CNTNAP2: variants seen among roughly 807,000 people sequenced by gnomAD.
CNTNAP2 encodes the protein contactin-associated protein-like 2.
In CNTNAP2, 98 loss-of-function variants were observed where a neutral mutation model predicts 155.2. That is an observed-to-expected ratio of 0.63 (90% CI 0.54 to 0.75). The LOEUF (loss-of-function observed/expected upper bound fraction) is 0.75. CNTNAP2 is among the 30% of genes least tolerant of loss of function. The pLI, the probability that CNTNAP2 is intolerant of heterozygous loss-of-function variation, is 0.00. For synonymous variants in CNTNAP2, 651 were observed against 631.2 expected (o/e 1.03, Z -0.47); for missense variants, 1,727 against 1,688.1 (o/e 1.02, Z -0.40).
chr7:147,996,325 C>T lies in CNTNAP2; in HGVS notation c.2383+18336C>T, dbSNP rs572439876. Among the ~76,000 whole-genome samples, 8 of 152,280 alleles carry T rather than the reference C, an allele frequency of 5.3e-5. No individual in the cohort carries two copies. In the South Asian group the frequency reaches 1.7e-3, roughly 32 times the overall value. Reference sequence around the variant, plus strand: ...GGGGTTCTTATCAACATGCAGATTCCCACACAGCTCCCCTAGAGATTTTGA... The same window carrying T: ...GGGGTTCTTATCAACATGCAGATTCTCACACAGCTCCCCTAGAGATTTTGA... On this transcript the variant is annotated intron_variant, in intron 15 of 23. Coordinates refer to ENST00000361727, the MANE Select transcript of CNTNAP2 (RefSeq NM_014141.6).
intron 1 of CNTNAP2, among the ~76,000 whole-genome samples, chr7:146,633,637 T>C (rs755343629): frequency 6.6e-6 from 1 of 151,604 alleles, no homozygotes; most frequent in Admixed American, 6.6e-5. Flanking sequence ...AAAAAATAGA[T>C]ATAAGGATGG....
rs144206285 is a variant in CNTNAP2 at position 146,269,055 on chromosome 7, G to A, written c.97+152082G>A. 3.4e-3 allele frequency among the ~76,000 whole-genome samples: 525 copies of A among 152,236 alleles called. 5 individuals are homozygous for A. The highest frequency in any genetic ancestry group is 5.2e-3 in the South Asian group (25 of 4,826). ...AGAGTGCCATACTGGGGACATAAGA[G>A]GGTGGGCCAGGTGGGGTGGCTCACG... is the stretch of plus-strand genomic sequence containing the variant. On this transcript the variant is annotated intron_variant, in intron 1 of 23. Transcript: ENST00000361727.
At chr7:148,276,404 G>C (rs1180291197) in intron 21 of CNTNAP2, among the ~76,000 whole-genome samples, 1 of 152,204 alleles carries the variant, frequency 6.6e-6, no homozygotes, top group Non-Finnish European at 1.5e-5. Flanking sequence ...ACATGCCTCC[G>C]AGTGTCCCAA....
chr7:146,123,447 A>G (rs962169049), intron 1 of CNTNAP2, among the ~76,000 whole-genome samples: 5 of 152,162 alleles, frequency 3.3e-5, no homozygotes, highest in South Asian at 2.1e-4. Context: ...AGAAAATGGC[A>G]GGCAATAGAG....
At chr7:146,237,562 T>C (rs2116922972) in intron 1 of CNTNAP2, among the ~76,000 whole-genome samples, 1 of 152,336 alleles carries the variant, frequency 6.6e-6, no homozygotes, top group East Asian at 1.9e-4. Context: ...TTATTTTTGC[T>C]TTCTTAGCAA....
chr7:146,276,221 T>C (rs1157102802), intron 1 of CNTNAP2, among the ~76,000 whole-genome samples: 2 of 152,168 alleles, frequency 1.3e-5, no homozygotes, highest in Middle Eastern at 3.2e-3. Context: ...AAAGCCAAAT[T>C]AGAACCAGAC....
chr7:146,495,575 C>A, intron 1 of CNTNAP2, among the ~76,000 whole-genome samples: 1 of 112,178 alleles, frequency 8.9e-6, no homozygotes, highest in Non-Finnish European at 1.8e-5. Context: ...TTTTTTTTTG[C>A]CTTCGTAAAG....
chr7:147,857,643 A>T (rs537527936), intron 13 of CNTNAP2, among the ~76,000 whole-genome samples: 1 of 152,324 alleles, frequency 6.6e-6, no homozygotes, highest in South Asian at 2.1e-4. Context: ...TTGATTCTTG[A>T]TGCTGATTGA....
chr7:148,062,265 G>A (rs1264475060), intron 15 of CNTNAP2, among the ~76,000 whole-genome samples: 1 of 151,932 alleles, frequency 6.6e-6, no homozygotes, highest in African/African-American at 2.4e-5. Context: ...TATAATAGCA[G>A]GTAACAAAGA....
intron 22 of CNTNAP2, among the ~76,000 whole-genome samples, chr7:148,402,410 C>T (rs188306151): frequency 2.6e-5 from 4 of 152,242 alleles, no homozygotes; most frequent in East Asian, 1.9e-4. Flanking sequence ...GCTCTGCCTA[C>T]GGAAAAACCT....
At chr7:146,943,386 G>A (rs1797095004) in intron 3 of CNTNAP2, among the ~76,000 whole-genome samples, 1 of 152,140 alleles carries the variant, frequency 6.6e-6, no homozygotes, top group Non-Finnish European at 1.5e-5. Flanking sequence ...TAGCTACTAG[G>A]CAGGCTGAGG....
chr7:147,907,125 C>G (rs1799970190), intron 14 of CNTNAP2, among the ~76,000 whole-genome samples: 1 of 152,056 alleles, frequency 6.6e-6, no homozygotes, highest in South Asian at 2.1e-4. Context: ...GGCATGATCT[C>G]AGCTCACTGC....
intron 12 of CNTNAP2, among the ~76,000 whole-genome samples, chr7:147,572,390 G>A (rs988489790): frequency 6.6e-6 from 1 of 152,116 alleles, no homozygotes; most frequent in Non-Finnish European, 1.5e-5. Flanking sequence ...GACCCCAGGT[G>A]AAATCAAGAT....
chr7:146,216,160 A>C (rs1009876101), intron 1 of CNTNAP2, among the ~76,000 whole-genome samples: 7 of 152,188 alleles, frequency 4.6e-5, no homozygotes, highest in African/African-American at 1.7e-4. Context: ...GCAGGCTGTC[A>C]TGAAGGTGGC....
At chr7:147,885,134 C>A (rs1273851907) in intron 13 of CNTNAP2, among the ~76,000 whole-genome samples, 4 of 152,146 alleles carry the variant, frequency 2.6e-5, no homozygotes, top group Non-Finnish European at 4.4e-5. Flanking sequence ...TTTGCACTGA[C>A]CTAATAGGGT....
At chr7:146,434,559 C>T (rs1010390068) in intron 1 of CNTNAP2, among the ~76,000 whole-genome samples, 1 of 152,042 alleles carries the variant, frequency 6.6e-6, no homozygotes, top group East Asian at 1.9e-4. Context: ...AGGCATGATA[C>T]GCTTCAGAAG....
rs202056775 is a variant in CNTNAP2 at position 146,328,534 on chromosome 7, T to TGTGC, written c.97+211564_97+211565insCGTG. On this transcript the variant is annotated intron_variant, in intron 1 of 23. Transcript: ENST00000361727. Reference sequence around the variant, plus strand: ...AGCGACCTGTGTGTGTGTGTGTGTGTGTGTGTGTGTATGGTGAGAACACTT... The same window carrying TGTGC: ...AGCGACCTGTGTGTGTGTGTGTGTGTGTGCGTGTGTGTGTATGGTGAGAACACTT... Among the ~76,000 whole-genome samples the TGTGC allele has an allele frequency of 1.4e-3, 210 of 152,044 alleles. 3 individuals are homozygous for TGTGC. In the East Asian group the frequency reaches 0.018, roughly 13 times the overall value.
intron 1 of CNTNAP2, among the ~76,000 whole-genome samples, chr7:146,591,609 C>T (rs1798784528): frequency 6.6e-6 from 1 of 152,138 alleles, no homozygotes; most frequent in Non-Finnish European, 1.5e-5. Context: ...AGAAGAAACC[C>T]TGCATCCATT....
chr7:147,787,804 A>G (rs938895525), intron 13 of CNTNAP2, among the ~76,000 whole-genome samples: 1 of 152,196 alleles, frequency 6.6e-6, no homozygotes, highest in Non-Finnish European at 1.5e-5. Flanking sequence ...CTTTTTTATT[A>G]TGGAAATTAG....
Sources: gnomAD v4.1 joint callset for allele counts (sites outside exome capture counted in the v4.1 genomes callset) on GRCh38, gnomAD v4.1.1 for gene constraint, MANE v1.5 for transcripts, NCBI Gene and HGNC (gene_info 2026-07-23, HGNC 2026-07-21) for gene names.